Variants in DLG2 observed in about 807,000 individuals in gnomAD.
The protein encoded by DLG2 is discs large MAGUK scaffold protein 2.
DLG2 carries 45 observed loss-of-function variants against 132.5 expected under a neutral mutation model. That is an observed-to-expected ratio of 0.34 (90% CI 0.27 to 0.44). The LOEUF (loss-of-function observed/expected upper bound fraction) is 0.44, where lower values mean the gene tolerates loss of function less well. DLG2 is among the 20% of genes least tolerant of loss of function. The pLI, the probability that DLG2 is intolerant of heterozygous loss-of-function variation, is 1.00. For synonymous variants in DLG2, 424 were observed against 419.6 expected, an observed-to-expected ratio of 1.01 and a Z score of -0.13; for missense variants, 1,045 against 1,196.9, an observed-to-expected ratio of 0.87 and a Z score of 1.87.
At chr11:85,391,129 CA>C (rs2086762902) in intron 3 of DLG2, among the ~76,000 whole-genome samples, 1 of 151,890 alleles carries the variant, frequency 6.6e-6, no homozygotes, top group South Asian at 2.1e-4. Context: ...CACAGAAATA[CA>C]AAAGATCATT....
intron 6 of DLG2, among the ~76,000 whole-genome samples, chr11:84,641,658 C>G (rs1323575882): frequency 6.6e-6 from 1 of 152,036 alleles, no homozygotes; most frequent in Non-Finnish European, 1.5e-5. Context: ...GGCCAGACTA[C>G]CCAGTTAAAA....
At chr11:83,681,233 A>G (rs1257570894) in intron 18 of DLG2, among the ~76,000 whole-genome samples, 1 of 152,190 alleles carries the variant, frequency 6.6e-6, no homozygotes, top group Non-Finnish European at 1.5e-5. Flanking sequence ...AAAACAACAC[A>G]GCAGAGAGTC....
chr11:83,948,754 T>C (rs933412561), intron 14 of DLG2, among the ~76,000 whole-genome samples: 3 of 152,178 alleles, frequency 2.0e-5, no homozygotes, highest in African/African-American at 4.8e-5. Flanking sequence ...TTACTAGCTA[T>C]GCAGGCAAGG....
rs572403801 is a variant in DLG2, at chr11:84,784,262, G to A, written c.358-249531C>T. ...TTGATCCCGGGTGGTGGAGGTTTCA[G>A]TGAGCCGAGATTGCACCATTGCATT... is the stretch of plus-strand genomic sequence containing the variant. On this transcript the variant is annotated intron_variant, in intron 6 of 27. Coordinates refer to ENST00000376104, the MANE Select transcript of DLG2 (RefSeq NM_001142699.3). 4.7e-5 allele frequency among the ~76,000 whole-genome samples: 7 copies of A among 147,786 alleles called. No individual in the cohort carries two copies. The South Asian group carries it at 1.5e-3, about 32-fold the overall frequency.
At chr11:84,316,824 C>T (rs1301721505) in intron 7 of DLG2, 1 of 1,606,312 alleles carries the variant, frequency 6.2e-7, no homozygotes, top group Non-Finnish European at 8.5e-7. Context: ...AAAAGGCTCA[C>T]CTGTGCTGGG....
chr11:83,800,084 T>C (rs887709441), intron 17 of DLG2, among the ~76,000 whole-genome samples: 1 of 152,164 alleles, frequency 6.6e-6, no homozygotes, highest in African/African-American at 2.4e-5. Context: ...ACAAAGAGGA[T>C]GACTTGGGAG....
chr11:84,804,213 T>C (rs988271796), intron 6 of DLG2, among the ~76,000 whole-genome samples: 21 of 152,340 alleles, frequency 1.4e-4, no homozygotes, highest in Non-Finnish European at 1.8e-4. Context: ...GCATTCAGAC[T>C]GTGACTACTG....
chr11:85,412,760 C>CACACACACATAT (rs756868795), intron 3 of DLG2, among the ~76,000 whole-genome samples: 51 of 113,264 alleles, frequency 4.5e-4, no homozygotes, highest in African/African-American at 1.3e-3. Flanking sequence ...CACACACACA[C>CACACACACATAT]ATATATATAT....
chr11:84,511,162 G>A (rs2099256072), intron 7 of DLG2, among the ~76,000 whole-genome samples: 1 of 151,752 alleles, frequency 6.6e-6, no homozygotes, highest in Non-Finnish European at 1.5e-5. Flanking sequence ...CATAAAGAGA[G>A]GATTATAGTG....
chr11:83,936,573 A>G (rs1333993908), intron 14 of DLG2, among the ~76,000 whole-genome samples: 1 of 152,216 alleles, frequency 6.6e-6, no homozygotes, highest in Admixed American at 6.5e-5. Flanking sequence ...TTTTCTATGT[A>G]AACATCACTC....
At chr11:84,948,572 AT>A (rs1403228528) in intron 6 of DLG2, among the ~76,000 whole-genome samples, 2 of 152,216 alleles carry the variant, frequency 1.3e-5, no homozygotes, top group African/African-American at 2.4e-5. Context: ...AAATGCATGG[AT>A]TTTCCCTGAA....
chr11:84,635,321 A>G (rs1376372708), intron 6 of DLG2, among the ~76,000 whole-genome samples: 1 of 152,086 alleles, frequency 6.6e-6, no homozygotes, highest in Admixed American at 6.5e-5. Flanking sequence ...CTTGGGGCCA[A>G]TACTGATGCC....
At chr11:83,827,338 T>C (rs1464971864) in intron 17 of DLG2, among the ~76,000 whole-genome samples, 2 of 152,112 alleles carry the variant, frequency 1.3e-5, no homozygotes, top group African/African-American at 4.8e-5. Context: ...AACTTGAAAA[T>C]AGAGTCCTGG....
chr11:84,734,154 GT>G (rs1178541160), intron 6 of DLG2, among the ~76,000 whole-genome samples: 1 of 152,100 alleles, frequency 6.6e-6, no homozygotes, highest in Non-Finnish European at 1.5e-5. Context: ...CTTTAAAGAA[GT>G]TTTTTCCAAT....
At chr11:84,809,402 T>C (rs1392506175) in intron 6 of DLG2, among the ~76,000 whole-genome samples, 1 of 151,616 alleles carries the variant, frequency 6.6e-6, no homozygotes, top group Admixed American at 6.6e-5. Flanking sequence ...ACCACTCTTA[T>C]TTACCATAAT....
chr11:83,942,857 T>A (rs1418490331), intron 14 of DLG2, among the ~76,000 whole-genome samples: 1 of 152,252 alleles, frequency 6.6e-6, no homozygotes, highest in African/African-American at 2.4e-5. Context: ...GTAGTGGTAA[T>A]CATTTCACAA....
At chr11:84,424,664 T>C in intron 7 of DLG2, among the ~76,000 whole-genome samples, 1 of 152,072 alleles carries the variant, frequency 6.6e-6, no homozygotes. Flanking sequence ...TACTCTACTT[T>C]TATGTATCAA....
At chr11:85,474,673 T>C (rs1476842340) in intron 3 of DLG2, among the ~76,000 whole-genome samples, 2 of 151,888 alleles carry the variant, frequency 1.3e-5, no homozygotes, top group African/African-American at 4.8e-5. Flanking sequence ...TTGTTCTCTA[T>C]CTATGCAGTC....
intron 4 of DLG2, among the ~76,000 whole-genome samples, chr11:85,182,572 G>A (rs959266749): frequency 2.0e-5 from 3 of 151,642 alleles, no homozygotes; most frequent in Middle Eastern, 3.2e-3. Flanking sequence ...TTGTCTGTGT[G>A]TGTGAGCAAG....
Sources: allele counts gnomAD v4.1 joint callset (sites outside exome capture counted in the v4.1 genomes callset), GRCh38; gene constraint gnomAD v4.1.1; transcripts MANE v1.5; gene names NCBI Gene and HGNC (gene_info 2026-07-23, HGNC 2026-07-21).